BMERB1: variants seen among roughly 807,000 people sequenced by gnomAD.
The protein encoded by BMERB1 is bMERB domain-containing protein 1.
A neutral mutation model predicts 23.6 loss-of-function variants in BMERB1; 12 were observed. The observed-to-expected ratio is 0.51, with a 90% CI of 0.33 to 0.82. BMERB1 has a LOEUF of 0.82. Among genes scored for constraint, BMERB1 ranks in the 40% least tolerant of loss-of-function variants. The pLI is 0.03. For missense variants in BMERB1, 247 were observed against 255.4 expected, an observed-to-expected ratio of 0.97 and a Z score of 0.22; for synonymous variants, 122 against 96.6, an observed-to-expected ratio of 1.26 and a Z score of -1.54.
chr16:15,498,616 A>G (rs2051497528), intron 1 of BMERB1, among the ~76,000 whole-genome samples: 1 of 151,856 alleles, frequency 6.6e-6, no homozygotes, highest in Non-Finnish European at 1.5e-5. Flanking sequence ...AAGGAAGGAA[A>G]AAAGAAAGAG....
intron 2 of BMERB1, among the ~76,000 whole-genome samples, chr16:15,559,756 A>T (rs2030366749): frequency 6.6e-6 from 1 of 152,182 alleles, no homozygotes; most frequent in South Asian, 2.1e-4. Flanking sequence ...TCTTGGAAGG[A>T]TGTTCAAAGG....
intron 2 of BMERB1, among the ~76,000 whole-genome samples, chr16:15,529,984 T>C (rs1259916529): frequency 2.6e-5 from 4 of 152,220 alleles, no homozygotes. Flanking sequence ...GGCAGAGCCG[T>C]GCTTTCTGGA....
At chr16:15,536,306 C>A (rs2052024246) in intron 2 of BMERB1, among the ~76,000 whole-genome samples, 1 of 152,070 alleles carries the variant, frequency 6.6e-6, no homozygotes, top group South Asian at 2.1e-4. Flanking sequence ...AACAGCAGCC[C>A]CCCCGCCTCT....
intron 1 of BMERB1, among the ~76,000 whole-genome samples, chr16:15,480,332 T>G (rs1394833307): frequency 1.2e-4 from 18 of 152,056 alleles, no homozygotes; most frequent in Non-Finnish European, 2.6e-4. Flanking sequence ...GCCAGGATGG[T>G]CTCAATCTCC....
chr16:15,451,152 T>C (rs2051037844), intron 1 of BMERB1, among the ~76,000 whole-genome samples: 1 of 152,170 alleles, frequency 6.6e-6, no homozygotes, highest in Admixed American at 6.5e-5. Context: ...AGTTAAGTCT[T>C]ATTTCCGTGC....
At chr16:15,565,224 G>A (rs1335545103) in intron 2 of BMERB1, among the ~76,000 whole-genome samples, 5 of 152,246 alleles carry the variant, frequency 3.3e-5, no homozygotes, top group East Asian at 3.9e-4. Context: ...CTCAGACTCC[G>A]AAGGGTCGAT....
intron 1 of BMERB1, among the ~76,000 whole-genome samples, chr16:15,453,126 C>T (rs768076396): frequency 1.2e-4 from 18 of 151,862 alleles, no homozygotes; most frequent in African/African-American, 4.1e-4. Context: ...GAGCTGAGAT[C>T]GCACCACTGC....
chr16:15,520,988 C>G (rs1388507924), intron 2 of BMERB1, among the ~76,000 whole-genome samples: 1 of 152,002 alleles, frequency 6.6e-6, no homozygotes, highest in South Asian at 2.1e-4. Context: ...CTTCCTTGCT[C>G]CTCCCGAGTT....
intron 1 of BMERB1, among the ~76,000 whole-genome samples, chr16:15,447,395 C>G (rs2050999370): frequency 6.6e-6 from 1 of 152,160 alleles, no homozygotes; most frequent in South Asian, 2.1e-4. Flanking sequence ...ATCATGAGAA[C>G]AGTATGGGGG....
chr16:15,529,099 A>C (rs1428307712), intron 2 of BMERB1, among the ~76,000 whole-genome samples: 3 of 152,200 alleles, frequency 2.0e-5, no homozygotes, highest in Admixed American at 2.0e-4. Flanking sequence ...ATCTTGGCTC[A>C]CTGCAAGCTC....
chr16:15,438,698 G>C (rs553991756), intron 1 of BMERB1, among the ~76,000 whole-genome samples: 8 of 152,340 alleles, frequency 5.3e-5, no homozygotes, highest in African/African-American at 1.7e-4. Context: ...GGCCTCAAGT[G>C]ATCTGCCCTC....
chr16:15,512,829 ATAT>A (rs1458421620), intron 1 of BMERB1, among the ~76,000 whole-genome samples: 1 of 151,878 alleles, frequency 6.6e-6, no homozygotes, highest in African/African-American at 2.4e-5. Context: ...CAGTGAGCCG[ATAT>A]TGTGCCACTG....
At chr16:15,569,842 T>C (rs2150972871) in intron 3 of BMERB1, among the ~76,000 whole-genome samples, 1 of 152,308 alleles carries the variant, frequency 6.6e-6, no homozygotes, top group African/African-American at 2.4e-5. Context: ...ATGGCAGTAG[T>C]CATTTATGTC....
At chr16:15,453,729 C>CT (rs2051061752) in intron 1 of BMERB1, among the ~76,000 whole-genome samples, 1 of 152,026 alleles carries the variant, frequency 6.6e-6, no homozygotes, top group African/African-American at 2.4e-5. Context: ...AAAAAATTAG[C>CT]TAGGTGTGGT....
At position 15,435,209 on chromosome 16, in the gene BMERB1, C is replaced by G. The variant is rs565562646; in HGVS notation, c.106+450C>G. Among the ~76,000 whole-genome samples, 11 of 152,324 alleles carry G rather than the reference C, an allele frequency of 7.2e-5. No individual in the cohort carries two copies. In the South Asian group the frequency reaches 1.0e-3, roughly 14 times the overall value. On this transcript the variant is annotated intron_variant, in intron 1 of 5. Transcript: ENST00000300006. ...TGGTTTTCCGCTTGCTTTCCTACCC[C>G]CTGCGTGAGGTTTCGGAGCGCACCT... is the stretch of plus-strand genomic sequence containing the variant.
rs1212707694 is a variant in BMERB1, at chr16:15,587,818, A to G, written c.*989A>G. 1.2e-5 allele frequency: 3 copies of G among 245,166 alleles called. No homozygotes were observed. The highest frequency in any genetic ancestry group is 5.2e-5 in the Admixed American group (1 of 19,256). The allele number at this position is 245,166 out of a possible 1,614,324, so 15.2% of individuals were successfully genotyped here. On this transcript the variant is annotated 3_prime_UTR_variant, in exon 6 of 6. Coordinates refer to ENST00000300006, the MANE Select transcript of BMERB1 (RefSeq NM_033201.3). ...ACTTCAACCCGTGTAATTCATGTACATTTGCAACAGCCAGCCCGGTACAGC... is the reference window on the plus strand; with the variant it reads ...ACTTCAACCCGTGTAATTCATGTACGTTTGCAACAGCCAGCCCGGTACAGC...
chr16:15,517,924 GATGTGTGTGTGC>G (rs1435483775), intron 2 of BMERB1, among the ~76,000 whole-genome samples: 31 of 146,336 alleles, frequency 2.1e-4, no homozygotes, highest in African/African-American at 7.3e-4. Context: ...TGTGTGTGAG[GATGTGTGTGTGC>G]ATGTGTGGGT....
rs1354750305 is a variant in BMERB1 at position 15,587,200 on chromosome 16, T to G, written c.*371T>G. The G allele has an allele frequency of 1.6e-5, 4 of 249,842 alleles. No homozygotes were observed. The allele number at this position is 249,842 out of a possible 1,614,324, so 15.5% of individuals were successfully genotyped here. A position where few individuals can be genotyped will look rare whatever the true frequency, so the allele number is the denominator to read the frequency against. On this transcript the variant is annotated 3_prime_UTR_variant, in exon 6 of 6. Transcript: ENST00000300006. Reference sequence around the variant, plus strand: ...CATGCTCCCCAGCTGTGTGTAGTCGTGACTTCTCAACAATCTAGCACCATG... The same window carrying G: ...CATGCTCCCCAGCTGTGTGTAGTCGGGACTTCTCAACAATCTAGCACCATG...
intron 2 of BMERB1, among the ~76,000 whole-genome samples, chr16:15,536,341 G>A (rs1245007146): frequency 6.6e-6 from 1 of 151,984 alleles, no homozygotes; most frequent in Non-Finnish European, 1.5e-5. Context: ...CGAGGCAGCA[G>A]CCCCCTAGGG....
Sources: gnomAD v4.1 joint callset for allele counts (sites outside exome capture counted in the v4.1 genomes callset) on GRCh38, gnomAD v4.1.1 for gene constraint, MANE v1.5 for transcripts, NCBI Gene and HGNC (gene_info 2026-07-23, HGNC 2026-07-21) for gene names.